SH3RF3: variants seen among roughly 807,000 people sequenced by gnomAD.
SH3RF3 encodes SH3 domain containing ring finger 3, also known as E3 ubiquitin-protein ligase SH3RF3.
A neutral mutation model predicts 66.3 loss-of-function variants in SH3RF3; 29 were observed. The ratio of observed to expected loss-of-function variants is 0.44; its 90% CI spans 0.33 to 0.60. The LOEUF (loss-of-function observed/expected upper bound fraction) is 0.60. Among genes scored for constraint, SH3RF3 ranks in the 20% least tolerant of loss-of-function variants. The pLI is 0.04. For synonymous variants in SH3RF3, 583 were observed against 532.0 expected (o/e 1.10, Z -1.32); for missense variants, 1,194 against 1,190.9 (o/e 1.00, Z -0.04).
intron 1 of SH3RF3, among the ~76,000 whole-genome samples, chr2:109,176,928 A>G (rs925663270): frequency 6.6e-6 from 1 of 152,182 alleles, no homozygotes; most frequent in African/African-American, 2.4e-5. Flanking sequence ...GACTGGTGGA[A>G]AGGAGATTGA....
At chr2:109,436,733 C>T (rs1677410655) in intron 6 of SH3RF3, among the ~76,000 whole-genome samples, 160 bp from the exon 7 acceptor site, 1 of 152,256 alleles carries the variant, frequency 6.6e-6, no homozygotes. Context: ...AAACAGGGCC[C>T]TTCTGCCCAG....
intron 1 of SH3RF3, among the ~76,000 whole-genome samples, chr2:109,207,567 G>A (rs1678870833): frequency 6.6e-6 from 1 of 152,190 alleles, no homozygotes; most frequent in Non-Finnish European, 1.5e-5. Flanking sequence ...AATGTTATTT[G>A]TGTGCTATTA....
At chr2:109,414,308 C>T (rs559823633) in intron 4 of SH3RF3, among the ~76,000 whole-genome samples, 2 of 152,228 alleles carry the variant, frequency 1.3e-5, no homozygotes, top group African/African-American at 4.8e-5. Context: ...CTCCAGCTGT[C>T]TAGACCATGC....
At chr2:109,458,137 C>T (rs950864198) in intron 8 of SH3RF3, among the ~76,000 whole-genome samples, 7 of 152,176 alleles carry the variant, frequency 4.6e-5, no homozygotes, top group African/African-American at 1.7e-4. Context: ...GGAAGTCACT[C>T]CTGGGACAGT....
chr2:109,248,814 G>A (rs531248310), intron 1 of SH3RF3, among the ~76,000 whole-genome samples: 5 of 125,762 alleles, frequency 4.0e-5, no homozygotes, highest in South Asian at 2.5e-4. Context: ...TTTCTCTTTC[G>A]TTTTCTCTCT....
chr2:109,272,738 G>A (rs72939514), intron 1 of SH3RF3, among the ~76,000 whole-genome samples: 3,059 of 152,336 alleles, frequency 0.02, 90 homozygotes, highest in African/African-American at 0.07. Flanking sequence ...GCCCAGCTGG[G>A]TGGGTATGTG....
intron 1 of SH3RF3, among the ~76,000 whole-genome samples, chr2:109,151,311 T>G (rs762054709): frequency 8.5e-5 from 13 of 152,176 alleles, no homozygotes; most frequent in Non-Finnish European, 1.3e-4. Flanking sequence ...AATTTTTTCC[T>G]TCCTGGAAAT....
intron 2 of SH3RF3, among the ~76,000 whole-genome samples, chr2:109,362,004 CT>C (rs1390107377): frequency 1.3e-5 from 2 of 151,840 alleles, no homozygotes; most frequent in Non-Finnish European, 1.5e-5. Flanking sequence ...TTTTATTGAT[CT>C]TTTTAAAGAT....
intron 1 of SH3RF3, among the ~76,000 whole-genome samples, chr2:109,203,632 C>T (rs1678738681): frequency 6.6e-6 from 1 of 152,138 alleles, no homozygotes; most frequent in Non-Finnish European, 1.5e-5. Context: ...CATCGTGGCC[C>T]TGTCTCTGTG....
At chr2:109,416,470 C>T (rs1676726100) in intron 4 of SH3RF3, among the ~76,000 whole-genome samples, 1 of 152,248 alleles carries the variant, frequency 6.6e-6, no homozygotes, top group East Asian at 1.9e-4. Context: ...CTGCAACTTC[C>T]GCCTCCTGGG....
chr2:109,189,294 G>A (rs115483021), intron 1 of SH3RF3, among the ~76,000 whole-genome samples: 1 of 151,922 alleles, frequency 6.6e-6, no homozygotes, highest in South Asian at 2.1e-4. Flanking sequence ...CATTCTGATT[G>A]TCAGGCTCCA....
In SH3RF3 at chr2:109,380,819, T is replaced by C. The variant is rs150745098; in HGVS notation, c.945+9138T>C. Among the ~76,000 whole-genome samples, 159 of 152,314 alleles carry C rather than the reference T, an allele frequency of 1.0e-3. 1 individual carries two copies. The highest frequency in any genetic ancestry group is 1.7e-3 in the Non-Finnish European group (113 of 68,040). On this transcript the variant is annotated intron_variant, in intron 3 of 9. Coordinates refer to ENST00000309415, the MANE Select transcript of SH3RF3 (RefSeq NM_001099289.3). ...ACCTGCATAGGCAGACATCAAACTT[T>C]TTAGATTCCTCCCAAGACCTCGATG...
intron 1 of SH3RF3, among the ~76,000 whole-genome samples, chr2:109,130,464 C>T (rs951241356): frequency 1.3e-5 from 2 of 152,198 alleles, no homozygotes; most frequent in South Asian, 2.1e-4. Context: ...CCCAGACACT[C>T]CCTCTGCACA....
chr2:109,468,516 T>C (rs973924564), intron 8 of SH3RF3, among the ~76,000 whole-genome samples: 4 of 152,124 alleles, frequency 2.6e-5, no homozygotes, highest in African/African-American at 9.7e-5. Context: ...AATGTTTCCA[T>C]GCGCCTGGCA....
At chr2:109,380,720 C>A (rs1198722879) in intron 3 of SH3RF3, among the ~76,000 whole-genome samples, 2 of 152,206 alleles carry the variant, frequency 1.3e-5, no homozygotes, top group Admixed American at 6.5e-5. Flanking sequence ...GAGCCTTGTG[C>A]CATAGTTCCT....
At chr2:109,495,789 C>T (rs1284304180) in intron 9 of SH3RF3, among the ~76,000 whole-genome samples, 1 of 152,126 alleles carries the variant, frequency 6.6e-6, no homozygotes. Flanking sequence ...CTGCACCTGG[C>T]CCCCTTTCTT....
intron 1 of SH3RF3, among the ~76,000 whole-genome samples, chr2:109,142,832 T>A (rs1281895506): frequency 6.6e-6 from 1 of 152,160 alleles, no homozygotes; most frequent in Non-Finnish European, 1.5e-5. Context: ...TGGCTGTCAT[T>A]GTGGGACGTT....
intron 2 of SH3RF3, among the ~76,000 whole-genome samples, chr2:109,351,553 A>C (rs904916798): frequency 6.6e-6 from 1 of 152,212 alleles, no homozygotes; most frequent in African/African-American, 2.4e-5. Flanking sequence ...GTTAATGAAA[A>C]CATTGTGGTC....
At chr2:109,166,438 C>T (rs1454891487) in intron 1 of SH3RF3, among the ~76,000 whole-genome samples, 2 of 140,580 alleles carry the variant, frequency 1.4e-5, no homozygotes, top group Non-Finnish European at 3.0e-5. Flanking sequence ...GATTGTGCCA[C>T]TGTACTCCAG....
Sources: allele counts gnomAD v4.1 joint callset (sites outside exome capture counted in the v4.1 genomes callset), GRCh38; gene constraint gnomAD v4.1.1; transcripts MANE v1.5; gene names NCBI Gene and HGNC (gene_info 2026-07-23, HGNC 2026-07-21).